Variants in ADGRL3 observed in about 807,000 individuals in gnomAD.
ADGRL3 encodes the protein adhesion G protein-coupled receptor L3.
A neutral mutation model predicts 153.5 loss-of-function variants in ADGRL3; 62 were observed. That is an observed-to-expected ratio of 0.40 (90% CI 0.33 to 0.50). The LOEUF (loss-of-function observed/expected upper bound fraction) is 0.50, where lower values mean the gene tolerates loss of function less well. Ranked by LOEUF, ADGRL3 falls within the 20% of genes least tolerant of loss-of-function variation. ADGRL3 has a pLI of 0.47. For synonymous variants in ADGRL3, 710 were observed against 672.5 expected, an observed-to-expected ratio of 1.06 and a Z score of -0.86; for missense variants, 1,641 against 1,859.4, an observed-to-expected ratio of 0.88 and a Z score of 2.16.
At chr4:61,488,948 A>G (rs1337457844) in intron 2 of ADGRL3, among the ~76,000 whole-genome samples, 1 of 151,856 alleles carries the variant, frequency 6.6e-6, no homozygotes, top group Admixed American at 6.6e-5. Flanking sequence ...CTAGTTGACC[A>G]CTCACAATCT....
At chr4:61,579,991 A>C (rs572409340) in intron 4 of ADGRL3, among the ~76,000 whole-genome samples, 1 of 152,232 alleles carries the variant, frequency 6.6e-6, no homozygotes, top group South Asian at 2.1e-4. Context: ...AAACTTAGAT[A>C]AATGTGTTGG....
intron 17 of ADGRL3, among the ~76,000 whole-genome samples, chr4:61,964,178 C>A (rs2098998016): frequency 6.6e-6 from 1 of 152,070 alleles, no homozygotes; most frequent in Non-Finnish European, 1.5e-5. Flanking sequence ...ATCATCTGAA[C>A]TTCTTGTTCC....
At chr4:61,452,977 C>A (rs2097692826) in intron 2 of ADGRL3, among the ~76,000 whole-genome samples, 2 of 151,984 alleles carry the variant, frequency 1.3e-5, no homozygotes, top group South Asian at 4.2e-4. Flanking sequence ...GAGATCCATG[C>A]ATAGATAATA....
rs569407558 is a variant in ADGRL3 at position 61,590,381 on chromosome 4, T to A, written c.473+2941T>A. On this transcript the variant is annotated intron_variant, in intron 5 of 26. Transcript: ENST00000683033. ...TTTTTATATATTTTAGAGAGTTTTTTAAAAAAAATATTACACATAACTTTG... is the reference window on the plus strand; with the variant it reads ...TTTTTATATATTTTAGAGAGTTTTTAAAAAAAAATATTACACATAACTTTG... Among the ~76,000 whole-genome samples, 123 of 152,136 alleles carry A rather than the reference T, an allele frequency of 8.1e-4. 1 individual carries two copies. The highest frequency in any genetic ancestry group is 2.6e-3 in the African/African-American group (110 of 41,564).
intron 8 of ADGRL3, among the ~76,000 whole-genome samples, chr4:61,787,887 A>G (rs1474235040): frequency 6.6e-6 from 1 of 151,670 alleles, no homozygotes; most frequent in African/African-American, 2.4e-5. Flanking sequence ...CATAAAACAG[A>G]GCACATAAAT....
intron 1 of ADGRL3, among the ~76,000 whole-genome samples, chr4:61,307,572 G>A (rs2094839993): frequency 6.6e-6 from 1 of 152,066 alleles, no homozygotes; most frequent in African/African-American, 2.4e-5. Context: ...TTTTTAATAT[G>A]TTATTCACTC....
At chr4:61,294,466 T>C (rs548774918) in intron 1 of ADGRL3, among the ~76,000 whole-genome samples, 176 of 152,294 alleles carry the variant, frequency 1.2e-3, no homozygotes, top group Non-Finnish European at 1.8e-3. Context: ...TTTCAACTTA[T>C]GATATTTTCA....
At chr4:61,979,859 A>G in intron 18 of ADGRL3, 87 bp downstream of exon 18, 1 of 1,139,992 alleles carries the variant, frequency 8.8e-7, no homozygotes, top group Non-Finnish European at 1.3e-6. Flanking sequence ...TATGTTTGAA[A>G]GTATCATTTC....
intron 25 of ADGRL3, among the ~76,000 whole-genome samples, chr4:62,051,168 G>GTATATATATATA (rs35250485): frequency 5.7e-5 from 8 of 139,146 alleles, no homozygotes; most frequent in African/African-American, 1.6e-4. Flanking sequence ...GTGTGTGTGT[G>GTATATATATATA]TATATATATA....
intron 5 of ADGRL3, among the ~76,000 whole-genome samples, chr4:61,622,703 G>A (rs1480701538): frequency 1.3e-5 from 2 of 152,084 alleles, no homozygotes; most frequent in Non-Finnish European, 2.9e-5. Flanking sequence ...AAAATGGGTA[G>A]ATACAAATTG....
chr4:61,348,332 T>G (rs934482035), intron 1 of ADGRL3, among the ~76,000 whole-genome samples: 1 of 152,134 alleles, frequency 6.6e-6, no homozygotes, highest in Middle Eastern at 3.4e-3. Context: ...ATTGAGACAT[T>G]TGTTAATCTT....
At chr4:61,523,860 A>T (rs941972841) in intron 4 of ADGRL3, among the ~76,000 whole-genome samples, 1 of 152,108 alleles carries the variant, frequency 6.6e-6, no homozygotes, top group Admixed American at 6.6e-5. Context: ...AGCTTTTCAA[A>T]ATACTTACAG....
Position 61,947,025 on chromosome 4 carries a change from T to C in ADGRL3, c.2531T>C (p.Ile844Thr). ...TEALSTNHSV[I>T]VNSPVITAAI... ...GCTTTGTCCACAAATCATTCTGTTA[T>C]TGTCAATTCCCCTGTTATTACGGCA... Residue 844 changes from isoleucine (I) to threonine (T), a missense_variant, in exon 16 of 27, where the codon ATT becomes ACT. Transcript: ENST00000683033. 6.2e-7 allele frequency: 1 copy of C among 1,613,844 alleles called. No individual in the cohort carries two copies. Among genetic ancestry groups the C allele is most frequent in the Non-Finnish European group, 8.5e-7 (1 of 1,179,794 alleles).
At chr4:61,276,626 CAATT>C (rs939296043) in intron 1 of ADGRL3, among the ~76,000 whole-genome samples, 7 of 151,932 alleles carry the variant, frequency 4.6e-5, no homozygotes, top group Non-Finnish European at 4.4e-5. Context: ...TCATTTTTGT[CAATT>C]AGTAAAATAT....
intron 1 of ADGRL3, among the ~76,000 whole-genome samples, chr4:61,286,738 G>A (rs2093955474): frequency 6.6e-6 from 1 of 151,244 alleles, no homozygotes; most frequent in Admixed American, 6.6e-5. Flanking sequence ...TTGATATTTT[G>A]AAAAAACAGT....
chr4:62,032,561 A>C (rs138525370), intron 23 of ADGRL3, among the ~76,000 whole-genome samples: 1 of 151,588 alleles, frequency 6.6e-6, no homozygotes, highest in Non-Finnish European at 1.5e-5. Context: ...ATTCAAAGAA[A>C]TGGCTCTGAA....
chr4:62,036,919 A>T (rs948027151), intron 23 of ADGRL3, among the ~76,000 whole-genome samples: 4 of 152,062 alleles, frequency 2.6e-5, no homozygotes, highest in Admixed American at 6.6e-5. Flanking sequence ...AAAATTTTAG[A>T]CATGATAAAA....
chr4:61,938,588 G>A (rs999608622), intron 15 of ADGRL3, among the ~76,000 whole-genome samples: 4 of 152,132 alleles, frequency 2.6e-5, no homozygotes, highest in South Asian at 2.1e-4. Context: ...GCTGTGAAAT[G>A]TCACTGCTGC....
At chr4:61,673,187 G>A (rs2095065539) in intron 5 of ADGRL3, among the ~76,000 whole-genome samples, 1 of 151,888 alleles carries the variant, frequency 6.6e-6, no homozygotes, top group Admixed American at 6.6e-5. Context: ...ATGGAGATAG[G>A]AGAAATGGGG....
Sources: allele counts gnomAD v4.1 joint callset (sites outside exome capture counted in the v4.1 genomes callset), GRCh38; gene constraint gnomAD v4.1.1; transcripts MANE v1.5; gene names NCBI Gene and HGNC (gene_info 2026-07-23, HGNC 2026-07-21).